The following FBLN5 variants were observed in gnomAD, a reference collection of about 807,000 sequenced individuals.
FBLN5 encodes the protein fibulin-5.
In FBLN5, 24 loss-of-function variants were observed where a neutral mutation model predicts 61.6. The observed-to-expected ratio is 0.39, with a 90% confidence interval of 0.28 to 0.55. The LOEUF (loss-of-function observed/expected upper bound fraction) is 0.55, where lower values mean the gene tolerates loss of function less well. FBLN5 is among the 20% of genes least tolerant of loss of function. The probability of loss-of-function intolerance (pLI) is 0.65; values close to 1 mark genes in which losing one functional copy is unlikely to be tolerated. For synonymous variants in FBLN5, 213 were observed against 219.8 expected (o/e 0.97, Z 0.27); for missense variants, 470 against 594.1 (o/e 0.79, Z 2.17).
intron 5 of FBLN5, among the ~76,000 whole-genome samples, chr14:91,892,063 G>T (rs1478678474): frequency 6.6e-6 from 1 of 152,196 alleles, no homozygotes; most frequent in Non-Finnish European, 1.5e-5. Context: ...GAAAGCGGCG[G>T]CACTGTGGGT....
chr14:91,913,000 T>A (rs1891022919), intron 4 of FBLN5, among the ~76,000 whole-genome samples: 1 of 152,194 alleles, frequency 6.6e-6, no homozygotes, highest in African/African-American at 2.4e-5. Flanking sequence ...GTGTATTAAC[T>A]CAATATGTAC....
intron 10 of FBLN5, among the ~76,000 whole-genome samples, chr14:91,877,176 T>C (rs111786105): frequency 2.0e-5 from 3 of 152,258 alleles, no homozygotes; most frequent in African/African-American, 7.2e-5. Flanking sequence ...ACTTGTCACA[T>C]GGGTTGGTTG....
At chr14:91,913,556 G>A (rs1891052940) in intron 4 of FBLN5, among the ~76,000 whole-genome samples, 2 of 152,162 alleles carry the variant, frequency 1.3e-5, no homozygotes, top group South Asian at 4.1e-4. Flanking sequence ...ATTTTGAGGG[G>A]CCATTATATT....
chr14:91,939,122 A>G (rs1163118744), intron 3 of FBLN5, among the ~76,000 whole-genome samples: 4 of 152,174 alleles, frequency 2.6e-5, no homozygotes, highest in Non-Finnish European at 4.4e-5. Context: ...TAAATTAAAT[A>G]TAATTTAAAA....
intron 4 of FBLN5, among the ~76,000 whole-genome samples, chr14:91,926,648 C>T (rs934649500): frequency 3.9e-5 from 6 of 152,130 alleles, no homozygotes; most frequent in African/African-American, 1.4e-4. Context: ...ACATACTTCC[C>T]CACTTGAGAT....
At chr14:91,910,137 C>T (rs923255932) in intron 4 of FBLN5, among the ~76,000 whole-genome samples, 3 of 152,152 alleles carry the variant, frequency 2.0e-5, no homozygotes, top group Admixed American at 6.5e-5. Flanking sequence ...GTCTATTAGC[C>T]GTTGAATGAA....
intron 7 of FBLN5, among the ~76,000 whole-genome samples, chr14:91,886,908 C>T (rs561843008): frequency 2.0e-5 from 3 of 152,266 alleles, no homozygotes; most frequent in South Asian, 2.1e-4. Context: ...CATGCCAAAT[C>T]GGGTGACTGC....
chr14:91,883,457 T>G (rs78406203), intron 7 of FBLN5, among the ~76,000 whole-genome samples: 1,803 of 151,926 alleles, frequency 0.012, 48 homozygotes, highest in African/African-American at 0.041. Context: ...CCCACTGGGA[T>G]TTTCTGGGGG....
intron 3 of FBLN5, chr14:91,939,791 G>A: frequency 2.7e-6 from 1 of 371,196 alleles, no homozygotes; most frequent in Non-Finnish European, 5.2e-6. Flanking sequence ...AATAGGTTGG[G>A]TTACACGGCA....
chr14:91,880,752 T>C (rs1159187852), intron 9 of FBLN5, among the ~76,000 whole-genome samples: 1 of 152,126 alleles, frequency 6.6e-6, no homozygotes, highest in African/African-American at 2.4e-5. Context: ...GGTTTCACCA[T>C]GTTGGCCAGG....
At chr14:91,877,334 G>A (rs1360115785) in intron 10 of FBLN5, among the ~76,000 whole-genome samples, 153 bp downstream of exon 10, 1 of 152,088 alleles carries the variant, frequency 6.6e-6, no homozygotes, top group East Asian at 1.9e-4. Flanking sequence ...AGAAAGTGGT[G>A]GAAACCAGGA....
At chr14:91,936,322 C>T (rs532103883) in intron 4 of FBLN5, among the ~76,000 whole-genome samples, 5 of 152,338 alleles carry the variant, frequency 3.3e-5, no homozygotes, top group Non-Finnish European at 5.9e-5. Flanking sequence ...CAGGCGCGAT[C>T]ACAGCGCACC....
intron 4 of FBLN5, among the ~76,000 whole-genome samples, chr14:91,896,035 C>T (rs1890210798): frequency 1.3e-5 from 2 of 152,102 alleles, no homozygotes; most frequent in Non-Finnish European, 2.9e-5. Context: ...ACCTCGGTCC[C>T]TTCTTAACTT....
chr14:91,910,366 C>A (rs1890867268), intron 4 of FBLN5, among the ~76,000 whole-genome samples: 1 of 152,040 alleles, frequency 6.6e-6, no homozygotes, highest in Non-Finnish European at 1.5e-5. Flanking sequence ...TTATCACGGG[C>A]TAGAGAGAAG....
chr14:91,935,835 G>A (rs749808630), intron 4 of FBLN5, among the ~76,000 whole-genome samples: 5 of 152,134 alleles, frequency 3.3e-5, no homozygotes, highest in African/African-American at 7.2e-5. Context: ...AGTCATCTAC[G>A]TTTAAGGTAA....
At chr14:91,905,493 C>A (rs2139999014) in intron 4 of FBLN5, among the ~76,000 whole-genome samples, 1 of 152,228 alleles carries the variant, frequency 6.6e-6, no homozygotes, top group East Asian at 1.9e-4. Flanking sequence ...AGCCCAAAAC[C>A]TCCTAGGACA....
At position 91,947,168 on chromosome 14, in the gene FBLN5, G is replaced by T. The variant is rs750632526; in HGVS notation, c.17+45C>A. ...TTCCACCCATCGGATTTTTAGCAAG[G>T]CTTCCAGACCCTGGAGAAAGAAAAG... On this transcript the variant is annotated intron_variant, in intron 1 of 10. Transcript: ENST00000342058. The surrounding 1 kb of genome is among the most constrained non-coding windows in gnomAD (Gnocchi z 4.3). 2.5e-6 allele frequency: 4 copies of T among 1,613,554 alleles called. No individual in the cohort carries two copies. The African/African-American group carries it at 4.0e-5, about 16-fold the overall frequency.
intron 7 of FBLN5, 108 bp from the exon 8 acceptor site, chr14:91,883,184 T>G: frequency 7.8e-7 from 1 of 1,288,996 alleles, no homozygotes. Flanking sequence ...ATACAATGGC[T>G]TTACTGCCAA....
chr14:91,926,646 C>T (rs1173745743), intron 4 of FBLN5, among the ~76,000 whole-genome samples: 1 of 152,172 alleles, frequency 6.6e-6, no homozygotes, highest in Non-Finnish European at 1.5e-5. Flanking sequence ...CCACATACTT[C>T]CCCACTTGAG....
Sources: allele counts gnomAD v4.1 joint callset (sites outside exome capture counted in the v4.1 genomes callset), GRCh38; gene constraint gnomAD v4.1.1; non-coding constraint Gnocchi (gnomAD v3.1); transcripts MANE v1.5; gene names NCBI Gene and HGNC (gene_info 2026-07-23, HGNC 2026-07-21).